Variants in FHIT observed in about 807,000 individuals in gnomAD.
FHIT encodes bis(5'-adenosyl)-triphosphatase.
Under a neutral mutation model 17.9 loss-of-function variants are expected in FHIT, and 19 were observed. That is an observed-to-expected ratio of 1.06 (90% CI 0.74 to 1.56). FHIT has a LOEUF of 1.56. Ranked by LOEUF, FHIT falls within the 40% of genes most tolerant of loss-of-function variation. The probability of loss-of-function intolerance (pLI) is 0.00; values close to 1 mark genes in which losing one functional copy is unlikely to be tolerated. For synonymous variants in FHIT, 81 were observed against 69.7 expected, an observed-to-expected ratio of 1.16 and a Z score of -0.81; for missense variants, 248 against 189.2, an observed-to-expected ratio of 1.31 and a Z score of -1.82.
At chr3:60,185,827 A>G (rs1576273224) in intron 5 of FHIT, among the ~76,000 whole-genome samples, 1 of 152,272 alleles carries the variant, frequency 6.6e-6, no homozygotes, top group South Asian at 2.1e-4. Context: ...CATCCTCCCT[A>G]TTAATGGTAT....
At chr3:61,077,778 A>G (rs528967335) in intron 2 of FHIT, among the ~76,000 whole-genome samples, 37 of 152,190 alleles carry the variant, frequency 2.4e-4, no homozygotes, top group Admixed American at 2.2e-3. Flanking sequence ...TCTCTCCACC[A>G]TCACTGGCTT....
chr3:60,317,631 G>GTA (rs1299973461), intron 5 of FHIT, among the ~76,000 whole-genome samples: 5 of 143,232 alleles, frequency 3.5e-5, no homozygotes, highest in African/African-American at 1.1e-4. Flanking sequence ...GTGTGTGTGT[G>GTA]TGTGTATATA....
intron 5 of FHIT, among the ~76,000 whole-genome samples, chr3:60,515,895 G>A (rs545390393): frequency 3.9e-5 from 6 of 152,178 alleles, no homozygotes; most frequent in African/African-American, 1.4e-4. Context: ...TCACATCCAG[G>A]CCCTCAGCTG....
At chr3:60,744,592 C>T (rs1446091356) in intron 4 of FHIT, among the ~76,000 whole-genome samples, 1 of 152,204 alleles carries the variant, frequency 6.6e-6, no homozygotes, top group Non-Finnish European at 1.5e-5. Context: ...ATTGTCCCCA[C>T]ATCTAACCAA....
chr3:60,957,723 C>G (rs1414429543), intron 3 of FHIT, among the ~76,000 whole-genome samples: 6 of 152,202 alleles, frequency 3.9e-5, no homozygotes, highest in African/African-American at 1.4e-4. Context: ...TCTCGGAAGC[C>G]CAGCCTGAGT....
At chr3:60,494,599 C>A (rs2034215821) in intron 5 of FHIT, among the ~76,000 whole-genome samples, 1 of 152,042 alleles carries the variant, frequency 6.6e-6, no homozygotes, top group East Asian at 1.9e-4. Context: ...TTAACCATAC[C>A]CACACCTCCC....
intron 5 of FHIT, among the ~76,000 whole-genome samples, chr3:60,224,016 C>T (rs1704077118): frequency 6.6e-6 from 1 of 151,914 alleles, no homozygotes; most frequent in Non-Finnish European, 1.5e-5. Context: ...TGTATGTTTC[C>T]TCCTCCCCTC....
At chr3:60,561,212 A>G (rs1373867249) in intron 4 of FHIT, among the ~76,000 whole-genome samples, 1 of 152,062 alleles carries the variant, frequency 6.6e-6, no homozygotes, top group East Asian at 1.9e-4. Context: ...CAAATTACCA[A>G]TCAGATAGAC....
chr3:60,200,642 G>C (rs1440105787), intron 5 of FHIT, among the ~76,000 whole-genome samples: 2 of 149,238 alleles, frequency 1.3e-5, no homozygotes, highest in East Asian at 2.0e-4. Flanking sequence ...CTTTCTTCTG[G>C]AATCAGAATC....
intron 5 of FHIT, among the ~76,000 whole-genome samples, chr3:60,405,929 G>A (rs529544909): frequency 9.2e-5 from 14 of 152,258 alleles, no homozygotes; most frequent in African/African-American, 2.9e-4. Flanking sequence ...TTGGAATCAT[G>A]GCAACAATAA....
intron 7 of FHIT, among the ~76,000 whole-genome samples, chr3:59,933,846 G>A (rs1706092115): frequency 6.6e-6 from 1 of 152,088 alleles, no homozygotes; most frequent in African/African-American, 2.4e-5. Context: ...GCAGATAGCA[G>A]GGGAAAAACA....
chr3:60,745,546 A>C (rs1369610176), intron 4 of FHIT, among the ~76,000 whole-genome samples: 1 of 152,138 alleles, frequency 6.6e-6, no homozygotes, highest in African/African-American at 2.4e-5. Flanking sequence ...CGCTTTGAAA[A>C]AATATAGATT....
chr3:60,459,706 C>T (rs973577888), intron 5 of FHIT, among the ~76,000 whole-genome samples: 2 of 152,196 alleles, frequency 1.3e-5, no homozygotes, highest in African/African-American at 2.4e-5. Context: ...GTACTTCTTG[C>T]AAAGTCAGTA....
chr3:60,520,240 GTTTT>G (rs747756039), intron 5 of FHIT, among the ~76,000 whole-genome samples: 1 of 151,178 alleles, frequency 6.6e-6, no homozygotes, highest in African/African-American at 2.4e-5. Flanking sequence ...TTTCTAGCTA[GTTTT>G]TTTTCAAATT....
intron 5 of FHIT, among the ~76,000 whole-genome samples, chr3:60,326,227 T>C (rs537189597): frequency 2.6e-5 from 4 of 152,260 alleles, no homozygotes; most frequent in South Asian, 2.1e-4. Flanking sequence ...TATATTATTA[T>C]TACATTGTAA....
intron 5 of FHIT, among the ~76,000 whole-genome samples, chr3:60,518,162 T>C (rs2107558394): frequency 6.6e-6 from 1 of 152,296 alleles, no homozygotes; most frequent in East Asian, 1.9e-4. Flanking sequence ...GACAAAACTA[T>C]GACAAAATTT....
chr3:60,066,169 G>A (rs114665889), intron 5 of FHIT, among the ~76,000 whole-genome samples: 1,522 of 152,160 alleles, frequency 0.01, 30 homozygotes, highest in African/African-American at 0.033. Flanking sequence ...CTCACCAGCT[G>A]TTGGAGGGAA....
chr3:60,707,448 A>G (rs906458575), intron 4 of FHIT, among the ~76,000 whole-genome samples: 5 of 152,202 alleles, frequency 3.3e-5, no homozygotes, highest in African/African-American at 1.2e-4. Flanking sequence ...CGGATAAATT[A>G]TAAATGACTA....
intron 5 of FHIT, among the ~76,000 whole-genome samples, chr3:60,181,205 G>C (rs1261467692): frequency 2.0e-5 from 3 of 147,650 alleles, no homozygotes; most frequent in African/African-American, 7.7e-5. Flanking sequence ...GAGTGCAGTG[G>C]TACAATCTTG....
Sources: gnomAD v4.1 joint callset for allele counts (sites outside exome capture counted in the v4.1 genomes callset) on GRCh38, gnomAD v4.1.1 for gene constraint, MANE v1.5 for transcripts, NCBI Gene and HGNC (gene_info 2026-07-23, HGNC 2026-07-21) for gene names.